Variants in ACTN2 observed in about 807,000 individuals in gnomAD.
The protein encoded by ACTN2 is alpha-actinin-2.
In ACTN2, 39 loss-of-function variants were observed where a neutral mutation model predicts 113.8. The observed-to-expected ratio is 0.34, with a 90% CI of 0.27 to 0.45. The LOEUF (loss-of-function observed/expected upper bound fraction) is 0.45. ACTN2 is among the 20% of genes least tolerant of loss of function. The pLI is 1.00. For synonymous variants in ACTN2, 429 were observed against 444.1 expected (o/e 0.97, Z 0.43); for missense variants, 992 against 1,177.9 (o/e 0.84, Z 2.31).
At chr1:236,752,829 A>G (rs1374744812) in intron 15 of ACTN2, among the ~76,000 whole-genome samples, 1 of 152,208 alleles carries the variant, frequency 6.6e-6, no homozygotes, top group Non-Finnish European at 1.5e-5. Context: ...CTGGGATTAC[A>G]GGTGTGAGCC....
chr1:236,724,139 C>T (rs1432504539), intron 4 of ACTN2, among the ~76,000 whole-genome samples: 2 of 148,152 alleles, frequency 1.3e-5, no homozygotes, highest in African/African-American at 2.5e-5. Context: ...TGAGGATCCT[C>T]TTCCTGGCTT....
Position 236,732,425 on chromosome 1 carries a change from CTTTTTAT to C in ACTN2, c.697+1138_697+1144del, listed in dbSNP as rs57171299. Among the ~76,000 whole-genome samples the C allele has an allele frequency of 1.5e-3, 219 of 145,800 alleles. 1 individual carries two copies. The highest frequency in any genetic ancestry group is 3.0e-3 in the Admixed American group (43 of 14,468). On this transcript the variant is annotated intron_variant, in intron 7 of 20. Coordinates refer to ENST00000366578, the MANE Select transcript of ACTN2 (RefSeq NM_001103.4). ...TCTGTGAATATTTTCTTTTCTTTTT[CTTTTTAT>C]TTTTTATTTTTTATTTTTTATTTTT...
At chr1:236,722,821 G>T (rs1247404291) in intron 4 of ACTN2, among the ~76,000 whole-genome samples, 1 of 152,112 alleles carries the variant, frequency 6.6e-6, no homozygotes, top group Non-Finnish European at 1.5e-5. Flanking sequence ...GTGTGGACCT[G>T]TTTGTGCCAA....
At chr1:236,695,841 T>C (rs1195150598) in intron 1 of ACTN2, among the ~76,000 whole-genome samples, 3 of 152,138 alleles carry the variant, frequency 2.0e-5, no homozygotes, top group African/African-American at 7.2e-5. Context: ...GTCTTATTTG[T>C]TTTTGCTAGG....
chr1:236,751,488 G>T lies in ACTN2; in HGVS notation c.1675G>T (p.Glu559Ter). Residue 559 changes from glutamate (E) to a stop codon, truncating the protein, a stop_gained, in exon 15 of 21, where the codon GAG becomes TAG. Transcript: ENST00000366578. LOFTEE classifies it high-confidence loss of function. Reference sequence around the variant, plus strand: ...GGTGTAGAGTCTGATCACTGCGCATGAGCAGTTCAAGGCCACGCTGCCCGA... The same window carrying T: ...GGTGTAGAGTCTGATCACTGCGCATTAGCAGTTCAAGGCCACGCTGCCCGA... The part of the protein sequence containing the change: ...EEIQSLITAH[E>*]QFKATLPEAD... 6.2e-7 allele frequency: 1 copy of T among 1,614,074 alleles called. No individual in the cohort carries two copies. The highest frequency in any genetic ancestry group is 1.1e-5 in the South Asian group (1 of 91,062).
At chr1:236,746,165 C>CAAAAAAAAAAAAAAAAAAA (rs55953102) in intron 12 of ACTN2, among the ~76,000 whole-genome samples, 4 of 80,410 alleles carry the variant, frequency 5.0e-5, no homozygotes, top group South Asian at 4.3e-4. Context: ...GACTCCATCT[C>CAAAAAAAAAAAAAAAAAAA]AAAAAAAAAA....
At chr1:236,695,564 C>CCCCCG (rs1553296742) in intron 1 of ACTN2, among the ~76,000 whole-genome samples, 1 of 8,322 alleles carries the variant, frequency 1.2e-4, no homozygotes, top group Non-Finnish European at 3.0e-4. Flanking sequence ...GAAATGAGTT[C>CCCCCG]CCCCCCCCTG....
chr1:236,701,059 G>A (rs569199547), intron 1 of ACTN2, among the ~76,000 whole-genome samples: 1 of 152,296 alleles, frequency 6.6e-6, no homozygotes, highest in Non-Finnish European at 1.5e-5. Flanking sequence ...TTTCAGAGGT[G>A]GGGTGACCCT....
chr1:236,762,066 A>T (rs925476643), intron 20 of ACTN2, among the ~76,000 whole-genome samples: 1 of 152,148 alleles, frequency 6.6e-6, no homozygotes, highest in Non-Finnish European at 1.5e-5. Flanking sequence ...GATATTTGAG[A>T]TTTACTTATT....
At chr1:236,746,706 CAA>C (rs59603231) in intron 12 of ACTN2, among the ~76,000 whole-genome samples, 53 of 119,656 alleles carry the variant, frequency 4.4e-4, no homozygotes, top group African/African-American at 6.4e-4. Context: ...GACCCTGTCT[CAA>C]AAAAAAAAAA....
chr1:236,739,633 CT>C lies in ACTN2; in HGVS notation c.1107+106del, dbSNP rs1001395760. ...AGGAGGAGGCATTGACTTCTTGAATCTTTTTAGTTGTGTGAATATCATTTTG... is the reference window on the plus strand; with the variant it reads ...AGGAGGAGGCATTGACTTCTTGAATCTTTTAGTTGTGTGAATATCATTTTG... On this transcript the variant is annotated intron_variant, in intron 10 of 20. Coordinates refer to ENST00000366578, the MANE Select transcript of ACTN2 (RefSeq NM_001103.4). 7.3e-5 allele frequency: 100 copies of C among 1,364,326 alleles called. No individual in the cohort carries two copies. The African/African-American group carries it at 1.2e-3, about 17-fold the overall frequency. The allele number at this position is 1,364,326 out of a possible 1,614,324, so 84.5% of individuals were successfully genotyped here. A position where few individuals can be genotyped will look rare whatever the true frequency, so the allele number is the denominator to read the frequency against.
At chr1:236,752,876 G>A (rs1456067609) in intron 15 of ACTN2, among the ~76,000 whole-genome samples, 5 of 152,180 alleles carry the variant, frequency 3.3e-5, no homozygotes, top group Non-Finnish European at 7.3e-5. Context: ...TTTTTAAAGT[G>A]AGACAAACTT....
chr1:236,755,231 T>A (rs1659520639), intron 17 of ACTN2, 33 bp downstream of exon 17: 1 of 1,613,582 alleles, frequency 6.2e-7, no homozygotes, highest in Non-Finnish European at 8.5e-7. Context: ...TGCCGCTCAC[T>A]TCTCACGGGG....
intron 1 of ACTN2, among the ~76,000 whole-genome samples, chr1:236,693,198 CA>C (rs1157384142): frequency 1.4e-5 from 2 of 142,388 alleles, no homozygotes; most frequent in Non-Finnish European, 3.1e-5. Flanking sequence ...CACACACACA[CA>C]CACACACACA....
At chr1:236,709,316 GTATATATATACA>G (rs1558227606) in intron 1 of ACTN2, among the ~76,000 whole-genome samples, 24 of 103,876 alleles carry the variant, frequency 2.3e-4, no homozygotes, top group Admixed American at 5.3e-4. Context: ...ACGTATATAT[GTATATATATACA>G]TGTATATATA....
chr1:236,709,956 A>AT (rs1216599857), intron 1 of ACTN2, among the ~76,000 whole-genome samples: 40 of 151,048 alleles, frequency 2.6e-4, no homozygotes, highest in African/African-American at 5.8e-4. Context: ...ATGTTGCCAA[A>AT]TTTTTTTTTT....
At chr1:236,749,749 C>G (rs567482321) in intron 14 of ACTN2, among the ~76,000 whole-genome samples, 1 of 152,218 alleles carries the variant, frequency 6.6e-6, no homozygotes, top group Admixed American at 6.5e-5. Context: ...TGCAGTGAGC[C>G]AAGATCACGC....
chr1:236,721,665 A>T (rs1658399590), intron 4 of ACTN2, among the ~76,000 whole-genome samples: 1 of 152,216 alleles, frequency 6.6e-6, no homozygotes, highest in Non-Finnish European at 1.5e-5. Flanking sequence ...TAAAAATTGT[A>T]AGTTGTAATA....
In ACTN2 at chr1:236,744,703, G is replaced by C; in HGVS notation, c.1333G>C (p.Glu445Gln). The C allele has an allele frequency of 6.2e-7, 1 of 1,614,192 alleles. No homozygotes were observed. The highest frequency in any genetic ancestry group is 8.5e-7 in the Non-Finnish European group (1 of 1,180,046). ...GGTGCGGGCTCTGCTGCGGAAGCAC[G>C]AGGCGTTCGAGAGCGACCTGGCAGC... ...TEVRALLRKHEAFESDLAAHQ... is the reference protein window; with the variant it reads ...TEVRALLRKHQAFESDLAAHQ... The change falls in exon 12 of 21, where the codon GAG (glutamate) becomes CAG (glutamine). Residue 445 changes from glutamate to glutamine, a missense_variant. Glu to Gln is a conservative substitution (Grantham distance 29). This residue lies in a region of ACTN2 where 736 missense variants were observed against 815.4 expected (regional missense o/e 0.90). Transcript: ENST00000366578.
Sources: allele counts gnomAD v4.1 joint callset (sites outside exome capture counted in the v4.1 genomes callset), GRCh38; gene constraint gnomAD v4.1.1; regional missense constraint gnomAD v4.1.1; transcripts MANE v1.5; gene names NCBI Gene and HGNC (gene_info 2026-07-23, HGNC 2026-07-21).